The following PDGFRB variants were observed in gnomAD, a reference collection of about 807,000 sequenced individuals.
The protein encoded by PDGFRB is platelet derived growth factor receptor beta, also known as platelet-derived growth factor receptor beta.
Under a neutral mutation model 120.2 loss-of-function variants are expected in PDGFRB, and 42 were observed. The observed-to-expected ratio is 0.35, with a 90% CI of 0.27 to 0.45. The LOEUF (loss-of-function observed/expected upper bound fraction) is 0.45, where lower values mean the gene tolerates loss of function less well. PDGFRB is among the 20% of genes least tolerant of loss of function. The pLI is 1.00. For missense variants in PDGFRB, 1,149 were observed against 1,476.3 expected (o/e 0.78, Z 3.63); for synonymous variants, 586 against 606.8 (o/e 0.97, Z 0.50).
At position 150,133,594 on chromosome 5, in the gene PDGFRB, G is replaced by T; in HGVS notation, c.926C>A (p.Thr309Asn). ...DHQDEKAINITVVESGYVRLL... is the reference protein window; with the variant it reads ...DHQDEKAININVVESGYVRLL... ...GAGCCCAAGGCACACACCAACCACG[G>T]TGATGTTGATGGCCTTTTCATCCTG... Residue 309 changes from threonine to asparagine, a missense_variant, in exon 6 of 23, where the codon ACC (threonine) becomes AAC (asparagine). Thr to Asn is a moderately conservative substitution (Grantham distance 65). Around this residue, in one of 3 missense-constraint regions of PDGFRB, gnomAD observed 879 missense variants for 1,108.6 expected, o/e 0.79. Coordinates refer to ENST00000261799, the MANE Select transcript of PDGFRB (RefSeq NM_002609.4). The T allele has an allele frequency of 6.2e-7, 1 of 1,613,572 alleles. No homozygotes were observed. Among genetic ancestry groups the T allele is most frequent in the Non-Finnish European group, 8.5e-7 (1 of 1,179,500 alleles).
chr5:150,117,188 C>A (rs1759962017), intron 22 of PDGFRB, among the ~76,000 whole-genome samples: 1 of 152,210 alleles, frequency 6.6e-6, no homozygotes, highest in Admixed American at 6.5e-5. Context: ...TACAACCAAG[C>A]AGGCTCCCTC....
rs149255701 is a variant in PDGFRB at position 150,142,471 on chromosome 5, G to A, written c.-6-5418C>T. Among the ~76,000 whole-genome samples the A allele has an allele frequency of 6.1e-3, 926 of 152,314 alleles. 7 individuals carry two copies. Among genetic ancestry groups the A allele is most frequent in the Admixed American group, 9.6e-3 (147 of 15,296 alleles). On this transcript the variant is annotated intron_variant, in intron 1 of 22. Transcript: ENST00000261799. ...GTAATTTGCTAAGTTGTTGGGAGAA[G>A]TGAGCCACAGACTCCAGTCTCCTGA...
chr5:150,147,737 G>A lies in PDGFRB; in HGVS notation c.-7+7660C>T, dbSNP rs76531265. Among the ~76,000 whole-genome samples, 1,303 of 152,268 alleles carry A rather than the reference G, an allele frequency of 8.6e-3. 47 individuals are homozygous for A. The highest frequency in any genetic ancestry group is 0.055 in the South Asian group (267 of 4,822). On this transcript the variant is annotated intron_variant, in intron 1 of 22. Coordinates refer to ENST00000261799, the MANE Select transcript of PDGFRB (RefSeq NM_002609.4). ...CATCTGTCCTCCCACCCCTGTCTTC[G>A]GTCATTCACTTAACCACCCCTCTGT...
chr5:150,155,650 G>T lies in PDGFRB; in HGVS notation c.-260C>A, dbSNP rs554304774. 7.5e-6 allele frequency: 3 copies of T among 398,612 alleles called. No individual in the cohort carries two copies. Among genetic ancestry groups the T allele is most frequent in the African/African-American group, 6.2e-5 (3 of 48,638 alleles). 24.7% of individuals were successfully genotyped at this position (398,612 alleles called of 1,614,324 possible). On this transcript the variant is annotated 5_prime_UTR_variant, in exon 1 of 23. Transcript: ENST00000261799. ...TCGCCTCACTCCCCAAGCATCCTTC[G>T]GGAGGAGCAGAGCCGCCAGAGGGGC...
intron 1 of PDGFRB, among the ~76,000 whole-genome samples, chr5:150,154,285 C>T (rs6579775): frequency 0.22 from 33,677 of 151,936 alleles, 3,802 homozygotes; most frequent in Middle Eastern, 0.3. Flanking sequence ...TCTGGGAATT[C>T]TGGGATCTGA....
At chr5:150,141,535 G>A (rs1760783899) in intron 1 of PDGFRB, among the ~76,000 whole-genome samples, 1 of 152,206 alleles carries the variant, frequency 6.6e-6, no homozygotes, top group Admixed American at 6.5e-5. Flanking sequence ...AAGTGAAGTG[G>A]TGTGACTCTG....
chr5:150,124,244 C>G lies in PDGFRB; in HGVS notation c.2023+6G>C, dbSNP rs778954389. ...CCTGAGGCCTCTGGGGCAGTGGGCTCGGTACCTCCTTTGGTGCAGGCCCCC... is the reference window on the plus strand; with the variant it reads ...CCTGAGGCCTCTGGGGCAGTGGGCTGGGTACCTCCTTTGGTGCAGGCCCCC... On this transcript the variant is annotated splice_donor_region_variant and intron_variant, in intron 14 of 22. Coordinates refer to ENST00000261799, the MANE Select transcript of PDGFRB (RefSeq NM_002609.4). 2 of 1,603,482 alleles carry G rather than the reference C, an allele frequency of 1.2e-6. No individual in the cohort carries two copies. The highest frequency in any genetic ancestry group is 8.5e-7 in the Non-Finnish European group (1 of 1,170,632).
rs2113889503 is a variant in PDGFRB at position 150,121,210 on chromosome 5, G to T, written c.2457C>A (p.Ser819=). 1 of 1,490,476 alleles carries T rather than the reference G, an allele frequency of 6.7e-7. No individual in the cohort carries two copies. Among genetic ancestry groups the T allele is most frequent in the Non-Finnish European group, 9.4e-7 (1 of 1,069,174 alleles). 92.3% of individuals were successfully genotyped at this position (1,490,476 alleles called of 1,614,324 possible). A position where few individuals can be genotyped will look rare whatever the true frequency, so the allele number is the denominator to read the frequency against. Residue 819 remains serine (S), a synonymous_variant, in exon 17 of 23, where the codon TCC becomes TCA. Transcript: ENST00000261799. The surrounding 1 kb of genome is among the most constrained non-coding windows in gnomAD (Gnocchi z 4.1). The stretch of plus-strand genomic sequence containing the variant: ...CCACCAACACCACACGTACGTTCTT[G>T]GAGGCCAGAAACTCCATGCCATTGG... ...QVANGMEFLA[S]KNCVHRDLAA...
At position 150,119,777 on chromosome 5, in the gene PDGFRB, G is replaced by A. The variant is rs534000408; in HGVS notation, c.2699-211C>T. 4.6e-5 allele frequency among the ~76,000 whole-genome samples: 7 copies of A among 152,340 alleles called. No homozygotes were observed. The South Asian group carries it at 1.2e-3, about 27-fold the overall frequency. On this transcript the variant is annotated intron_variant, in intron 19 of 22. Coordinates refer to ENST00000261799, the MANE Select transcript of PDGFRB (RefSeq NM_002609.4). ...ACAGCCAGAATGTGAGAGCCAAGCAGGCTTTCTGATGTCACTGTTCAAACC... is the reference window on the plus strand; with the variant it reads ...ACAGCCAGAATGTGAGAGCCAAGCAAGCTTTCTGATGTCACTGTTCAAACC...
rs544217307 is a variant in PDGFRB, at chr5:150,146,301, C to G, written c.-7+9096G>C. On this transcript the variant is annotated intron_variant, in intron 1 of 22. Coordinates refer to ENST00000261799, the MANE Select transcript of PDGFRB (RefSeq NM_002609.4). ...TTTCTAGTTATTGTTCTGATCCCCC[C>G]CAATCTGGAAACAAACAAAAGTCCC... 7.9e-5 allele frequency among the ~76,000 whole-genome samples: 12 copies of G among 152,342 alleles called. No individual in the cohort carries two copies. The South Asian group carries it at 1.0e-3, about 13-fold the overall frequency.
At chr5:150,130,912 C>T (rs1316034946) in intron 8 of PDGFRB, among the ~76,000 whole-genome samples, 1 of 152,142 alleles carries the variant, frequency 6.6e-6, no homozygotes, top group East Asian at 1.9e-4. Flanking sequence ...TCCCTTTTAA[C>T]AAAGGGAGGC....
rs1221806662 is a variant in PDGFRB at position 150,117,682 on chromosome 5, G to T, written c.3073C>A (p.Leu1025Met). The change falls in exon 22 of 23, where the codon CTG becomes ATG. Residue 1025 changes from leucine (L) to methionine (M), a missense_variant. Physicochemically the swap from Leu to Met is conservative, Grantham distance 15 (BLOSUM62 2). This residue lies in a region of PDGFRB where 202 missense variants were observed against 214.3 expected (regional missense o/e 0.94). Coordinates refer to ENST00000261799, the MANE Select transcript of PDGFRB (RefSeq NM_002609.4). ...NEGDNDYIIP[L>M]PDPKPEVADE... The stretch of plus-strand genomic sequence containing the variant: ...GCAACCTCGGGTTTGGGGTCAGGCA[G>T]GGGGATGATATAGTCGTTGTCACCC... The T allele has an allele frequency of 2.5e-6, 4 of 1,613,906 alleles. No individual in the cohort carries two copies. The highest frequency in any genetic ancestry group is 3.4e-6 in the Non-Finnish European group (4 of 1,179,858).
Position 150,124,595 on chromosome 5 carries a change from T to C in PDGFRB, c.1912+132A>G, listed in dbSNP as rs1075846. On this transcript the variant is annotated intron_variant, in intron 13 of 22. Transcript: ENST00000261799. Reference sequence around the variant, plus strand: ...AAACCAGACCCAGACTCGGGAGCAGTGCCTGCTGCAGTGTGATGGCCCCTC... The same window carrying C: ...AAACCAGACCCAGACTCGGGAGCAGCGCCTGCTGCAGTGTGATGGCCCCTC... 228,553 of 621,886 alleles carry C rather than the reference T, an allele frequency of 0.37. 43,807 individuals carry two copies. Among genetic ancestry groups the C allele is most frequent in the African/African-American group, 0.57 (30,770 of 54,134 alleles). 38.5% of individuals were successfully genotyped at this position (621,886 alleles called of 1,614,324 possible).
At chr5:150,122,091 C>T (rs1161026698) in intron 15 of PDGFRB, 51 bp from the exon 16 acceptor site, 1 of 1,399,494 alleles carries the variant, frequency 7.1e-7, no homozygotes, top group Admixed American at 1.7e-5. Flanking sequence ...GCCTTCCCCT[C>T]CCCTCCTGCC....
chr5:150,129,582 G>A (rs768588765), intron 10 of PDGFRB, among the ~76,000 whole-genome samples, 175 bp downstream of exon 10: 1 of 152,198 alleles, frequency 6.6e-6, no homozygotes, highest in Non-Finnish European at 1.5e-5. Flanking sequence ...TACCCATATT[G>A]TGTTTGCCAG....
chr5:150,153,873 C>G (rs1761149672), intron 1 of PDGFRB: 1 of 152,204 alleles, frequency 6.6e-6, no homozygotes, highest in Non-Finnish European at 1.5e-5. Context: ...TAGTCTCACA[C>G]TTGGGAGCAG....
chr5:150,127,833 T>TAAAAAAAAAAAAAAAAA (rs56899708), intron 10 of PDGFRB, among the ~76,000 whole-genome samples: 1 of 62,434 alleles, frequency 1.6e-5, no homozygotes, highest in African/African-American at 7.4e-5. Flanking sequence ...GACTCCATCT[T>TAAAAAAAAAAAAAAAAA]AAAAAAAAAA....
intron 2 of PDGFRB, among the ~76,000 whole-genome samples, chr5:150,136,760 G>T (rs1760644224): frequency 6.6e-6 from 1 of 152,180 alleles, no homozygotes; most frequent in South Asian, 2.1e-4. Context: ...ATGGGGTCTG[G>T]AGGGCCAATC....
chr5:150,125,401 A>T lies in PDGFRB; in HGVS notation c.1807+44T>A, dbSNP rs1561996463. 3.8e-6 allele frequency: 6 copies of T among 1,572,610 alleles called. No homozygotes were observed. The South Asian group carries it at 5.7e-5, about 15-fold the overall frequency. On this transcript the variant is annotated intron_variant, in intron 12 of 22. Coordinates refer to ENST00000261799, the MANE Select transcript of PDGFRB (RefSeq NM_002609.4). ...CAGACCTCAGAGAGTCTTCCCACCC[A>T]ACTTGAGTCCCCACACTGCCACATG...
Sources: allele counts gnomAD v4.1 joint callset (sites outside exome capture counted in the v4.1 genomes callset), GRCh38; gene constraint gnomAD v4.1.1; regional missense constraint gnomAD v4.1.1; non-coding constraint Gnocchi (gnomAD v3.1); transcripts MANE v1.5; gene names NCBI Gene and HGNC (gene_info 2026-07-23, HGNC 2026-07-21).